STAU1: variants seen among roughly 807,000 people sequenced by gnomAD.
STAU1 encodes double-stranded RNA-binding protein Staufen homolog 1.
A neutral mutation model predicts 62.9 loss-of-function variants in STAU1; 13 were observed. That is an observed-to-expected ratio of 0.21 (90% CI 0.13 to 0.33). STAU1 has a LOEUF of 0.33. STAU1 is among the 10% of genes least tolerant of loss of function. The pLI is 1.00. For synonymous variants in STAU1, 269 were observed against 265.1 expected (o/e 1.01, Z -0.14); for missense variants, 571 against 712.1 (o/e 0.80, Z 2.25).
intron 2 of STAU1, among the ~76,000 whole-genome samples, chr20:49,169,219 G>C (rs2093566449): frequency 6.6e-6 from 1 of 152,084 alleles, no homozygotes; most frequent in African/African-American, 2.4e-5. Flanking sequence ...CTAAGTGCTA[G>C]GATTACAGGC....
chr20:49,195,098 A>T, the STAU1 span, among the ~76,000 whole-genome samples: 1 of 152,208 alleles, frequency 6.6e-6, no homozygotes, highest in African/African-American at 2.4e-5. Flanking sequence ...TCAGGAAAAT[A>T]AAAAATGTGA....
the STAU1 span, among the ~76,000 whole-genome samples, chr20:49,198,226 TA>T: frequency 7.2e-5 from 11 of 152,140 alleles, 1 homozygote; most frequent in East Asian, 1.7e-3. Flanking sequence ...AAATTAAAAA[TA>T]AAAATAGGCC....
chr20:49,204,621 TATGTGTATATATATATATATATA>T, the STAU1 span, among the ~76,000 whole-genome samples: 44 of 48,740 alleles, frequency 9.0e-4, no homozygotes, highest in Non-Finnish European at 1.2e-3. Flanking sequence ...TATATATATA[TATGTGTATATATATATATATATA>T]TATTTTTTTT....
At chr20:49,167,813 C>T (rs977965918) in intron 2 of STAU1, among the ~76,000 whole-genome samples, 11 of 152,116 alleles carry the variant, frequency 7.2e-5, no homozygotes, top group Non-Finnish European at 1.5e-4. Context: ...CTTGAGAGCA[C>T]TTTTTAAAAC....
intron 1 of STAU1, among the ~76,000 whole-genome samples, chr20:49,185,735 G>A (rs1023533633): frequency 6.6e-6 from 1 of 152,056 alleles, no homozygotes; most frequent in Non-Finnish European, 1.5e-5. Flanking sequence ...CATACTATTC[G>A]AGTTTCGCAT....
intron 4 of STAU1, among the ~76,000 whole-genome samples, chr20:49,152,978 T>C (rs111743430): frequency 0.012 from 1,800 of 151,872 alleles, 42 homozygotes; most frequent in African/African-American, 0.04. Flanking sequence ...GAGCCGGGCG[T>C]GGTGGCTCAT....
intron 1 of STAU1, among the ~76,000 whole-genome samples, chr20:49,175,217 G>A (rs774707537): frequency 6.6e-6 from 1 of 151,960 alleles, no homozygotes; most frequent in Middle Eastern, 3.4e-3. Context: ...TGTAATCCCA[G>A]CTACTTGGGA....
the STAU1 span, among the ~76,000 whole-genome samples, chr20:49,204,883 C>CA: frequency 6.6e-6 from 1 of 151,678 alleles, no homozygotes; most frequent in East Asian, 1.9e-4. Context: ...CTCCTGACCT[C>CA]AGGTGATCCA....
intron 6 of STAU1, among the ~76,000 whole-genome samples, chr20:49,132,852 T>C (rs749501508): frequency 1.3e-5 from 2 of 152,214 alleles, no homozygotes; most frequent in Non-Finnish European, 2.9e-5. Flanking sequence ...TAACGAAGCT[T>C]CCTATGTGAC....
chr20:49,208,015 C>T, the STAU1 span, among the ~76,000 whole-genome samples: 6 of 151,668 alleles, frequency 4.0e-5, no homozygotes, highest in East Asian at 3.9e-4. Flanking sequence ...CGAGTAGCTG[C>T]GATTACAGGT....
chr20:49,196,426 C>G, the STAU1 span, among the ~76,000 whole-genome samples: 1 of 140,792 alleles, frequency 7.1e-6, no homozygotes, highest in Non-Finnish European at 1.5e-5. Context: ...GACAGCGAGA[C>G]TCCGTCTCAA....
chr20:49,153,251 G>GGAAAAAAAA (rs1379385445), intron 4 of STAU1, among the ~76,000 whole-genome samples: 5 of 99,070 alleles, frequency 5.0e-5, no homozygotes, highest in African/African-American at 2.0e-4. Context: ...CTCCGTCTCA[G>GGAAAAAAAA]AAAAAAAAAA....
chr20:49,135,663 CAGA>C (rs2092864159), intron 6 of STAU1, among the ~76,000 whole-genome samples, 167 bp downstream of exon 6: 1 of 152,118 alleles, frequency 6.6e-6, no homozygotes, highest in South Asian at 2.1e-4. Context: ...TACGGACTCC[CAGA>C]AGAAGAGAAT....
chr20:49,135,224 C>A (rs569906421), intron 6 of STAU1, among the ~76,000 whole-genome samples: 67 of 152,248 alleles, frequency 4.4e-4, no homozygotes, highest in African/African-American at 1.6e-3. Flanking sequence ...ATTAAGCTGG[C>A]GCTTAATAAA....
At chr20:49,124,303 C>T (rs1431378454) in intron 7 of STAU1, 72 bp downstream of exon 7, 9 of 1,500,854 alleles carry the variant, frequency 6.0e-6, no homozygotes, top group Admixed American at 3.6e-5. Context: ...TTGGGGACAG[C>T]GACCAGCCTT....
chr20:49,159,240 A>G (rs898699745), intron 3 of STAU1: 3 of 799,314 alleles, frequency 3.8e-6, no homozygotes, highest in Admixed American at 1.1e-4. Context: ...ACTCTGCTGC[A>G]TTCTGTTGGT....
the STAU1 span, among the ~76,000 whole-genome samples, chr20:49,212,771 T>C: frequency 6.6e-6 from 1 of 151,796 alleles, no homozygotes; most frequent in Admixed American, 6.6e-5. Flanking sequence ...TAATTTTTTG[T>C]ATTTTTAGTA....
intron 1 of STAU1, among the ~76,000 whole-genome samples, chr20:49,177,307 A>G (rs1279775705): frequency 2.0e-5 from 3 of 151,614 alleles, no homozygotes; most frequent in Non-Finnish European, 4.4e-5. Flanking sequence ...AGGCCGAGGC[A>G]GGTGGATCGC....
chr20:49,139,121 T>G (rs964050960), intron 5 of STAU1, among the ~76,000 whole-genome samples: 2 of 152,122 alleles, frequency 1.3e-5, no homozygotes, highest in African/African-American at 4.8e-5. Flanking sequence ...ACATAAGAGC[T>G]AAAACAGTAA....
Sources: allele counts gnomAD v4.1 joint callset (sites outside exome capture counted in the v4.1 genomes callset), GRCh38; gene constraint gnomAD v4.1.1; transcripts MANE v1.5; gene names NCBI Gene and HGNC (gene_info 2026-07-23, HGNC 2026-07-21).